MGST1: variants seen among roughly 807,000 people sequenced by gnomAD.
The protein encoded by MGST1 is glutathione S-transferase 12.
In MGST1, 5 loss-of-function variants were observed where a neutral mutation model predicts 8.9. The observed-to-expected ratio is 0.56, with a 90% confidence interval of 0.29 to 1.19. The LOEUF is 1.19. MGST1 is among the 50% of genes most tolerant of loss of function. The probability of loss-of-function intolerance (pLI) is 0.08; values close to 1 mark genes in which losing one functional copy is unlikely to be tolerated. For synonymous variants in MGST1, 54 were observed against 67.8 expected, an observed-to-expected ratio of 0.80 and a Z score of 1.00; for missense variants, 182 against 187.4, an observed-to-expected ratio of 0.97 and a Z score of 0.17.
chr12:16,486,893 T>C (rs202222116), intron 4 of MGST1, among the ~76,000 whole-genome samples: 1 of 48,446 alleles, frequency 2.1e-5, no homozygotes, highest in Non-Finnish European at 8.3e-5. Flanking sequence ...TATACTCCTG[T>C]AATTGCAGGA....
At chr12:16,391,436 G>A (rs1388554364) in intron 1 of MGST1, among the ~76,000 whole-genome samples, 1 of 151,094 alleles carries the variant, frequency 6.6e-6, no homozygotes, top group Admixed American at 6.6e-5. Flanking sequence ...CTGTTCCTGT[G>A]TTAGTTTGCT....
At chr12:16,367,565 C>T (rs897570026), downstream of MGST1, 1 of 152,232 alleles carries the variant, frequency 6.6e-6, no homozygotes, top group Non-Finnish European at 1.5e-5. Context: ...CCCAGAGTCA[C>T]TCCATGTCCC....
At position 16,434,662 on chromosome 12, in the gene MGST1, CT is replaced by C. The variant is rs1433937393; in HGVS notation, n.779-2723del. Among the ~76,000 whole-genome samples, 5 of 151,828 alleles carry C rather than the reference CT, an allele frequency of 3.3e-5. No homozygotes were observed. The East Asian group carries it at 9.7e-4, about 29-fold the overall frequency. The stretch of plus-strand genomic sequence containing the variant: ...GCTCCCCTTCTACCTGCACTTTTTT[CT>C]TTCTTTTCTTTTTTTTATTTTTCAG... On this transcript the variant is annotated intron_variant and non_coding_transcript_variant, in intron 1 of 1. Transcript: ENST00000359720.
At chr12:16,543,214 G>A (rs1355347616) in intron 4 of MGST1, among the ~76,000 whole-genome samples, 1 of 152,116 alleles carries the variant, frequency 6.6e-6, no homozygotes, top group Non-Finnish European at 1.5e-5. Context: ...TGATTACTGA[G>A]TTCATCTTGC....
chr12:16,480,169 G>A (rs1336841052), intron 4 of MGST1, among the ~76,000 whole-genome samples: 1 of 142,736 alleles, frequency 7.0e-6, no homozygotes, highest in Admixed American at 7.1e-5. Flanking sequence ...TTGAGACGGA[G>A]TCTCACCCTA....
At chr12:16,462,554 C>A (rs201398564) in intron 4 of MGST1, among the ~76,000 whole-genome samples, 21,745 of 149,090 alleles carry the variant, frequency 0.15, 1,900 homozygotes, top group East Asian at 0.42. Context: ...CTTTACCCCC[C>A]CAAAAAAAAC....
At chr12:16,551,401 C>T in intron 4 of MGST1, 1 of 909,446 alleles carries the variant, frequency 1.1e-6, no homozygotes, top group Non-Finnish European at 1.8e-6. Flanking sequence ...GATTTATTTT[C>T]CTATTAATAG....
At chr12:16,434,870 A>G (rs1267025548) in intron 1 of MGST1, among the ~76,000 whole-genome samples, 1 of 151,986 alleles carries the variant, frequency 6.6e-6, no homozygotes, top group East Asian at 1.9e-4. Context: ...ATTTGATATT[A>G]GTTTAGTTTA....
At chr12:16,534,346 T>A (rs1941741490) in intron 4 of MGST1, among the ~76,000 whole-genome samples, 1 of 152,228 alleles carries the variant, frequency 6.6e-6, no homozygotes, top group Admixed American at 6.5e-5. Context: ...TTGGCAATAC[T>A]ATCTTTTCTA....
chr12:16,588,058 T>C (rs1943375906), intron 4 of MGST1, among the ~76,000 whole-genome samples: 1 of 152,140 alleles, frequency 6.6e-6, no homozygotes, highest in Non-Finnish European at 1.5e-5. Flanking sequence ...TTCACAAGTA[T>C]CTTTATCAAA....
chr12:16,416,056 C>G (rs941975421), intron 1 of MGST1, among the ~76,000 whole-genome samples: 1 of 152,044 alleles, frequency 6.6e-6, no homozygotes, highest in African/African-American at 2.4e-5. Context: ...AAATAGTTGC[C>G]TTTACTGGAT....
intron 4 of MGST1, among the ~76,000 whole-genome samples, chr12:16,535,872 T>G (rs1941754180): frequency 6.6e-6 from 1 of 152,140 alleles, no homozygotes; most frequent in Non-Finnish European, 1.5e-5. Context: ...GAGAAACGAT[T>G]TTGAGATTAT....
At chr12:16,461,933 A>G (rs1417180746) in intron 4 of MGST1, among the ~76,000 whole-genome samples, 1 of 152,090 alleles carries the variant, frequency 6.6e-6, no homozygotes, top group Non-Finnish European at 1.5e-5. Context: ...GCTATTCCTA[A>G]CAATAAAGTA....
At chr12:16,359,134 T>A (rs1939872992) in intron 3 of MGST1, among the ~76,000 whole-genome samples, 1 of 152,140 alleles carries the variant, frequency 6.6e-6, no homozygotes, top group Non-Finnish European at 1.5e-5. Flanking sequence ...GCGTTTACAC[T>A]GTGGCAGCAC....
In MGST1 at chr12:16,347,935, C is replaced by G. The variant is rs141870733; in HGVS notation, c.-23+225C>G. 1.5e-4 allele frequency: 23 copies of G among 152,290 alleles called. No homozygotes were observed. The East Asian group carries it at 3.1e-3, about 20-fold the overall frequency. The allele number at this position is 152,290 out of a possible 1,614,324, so 9.4% of individuals were successfully genotyped here. A position where few individuals can be genotyped will look rare whatever the true frequency, so the allele number is the denominator to read the frequency against. ...CATTTCTCAAACTCCAGGAATGAAA[C>G]GAGAGAGTCTTTTCATGCTTGAGTG... On this transcript the variant is annotated intron_variant, in intron 1 of 3. Transcript: ENST00000396210. The surrounding 1 kb of genome is among the most constrained non-coding windows in gnomAD (Gnocchi z 4.0).
At chr12:16,348,990 A>C (rs1268885273) in intron 1 of MGST1, 1 of 152,026 alleles carries the variant, frequency 6.6e-6, no homozygotes, top group Non-Finnish European at 1.5e-5. Context: ...CCAGCATTTC[A>C]CCTGCAGCCT....
intron 1 of MGST1, among the ~76,000 whole-genome samples, chr12:16,406,385 A>T (rs756814476): frequency 6.6e-6 from 1 of 152,240 alleles, no homozygotes; most frequent in Non-Finnish European, 1.5e-5. Flanking sequence ...AATGAGAATT[A>T]CAAAACGCTG....
intron 1 of MGST1, among the ~76,000 whole-genome samples, chr12:16,350,347 C>CA (rs1177095301): frequency 2.6e-5 from 4 of 152,210 alleles, no homozygotes; most frequent in African/African-American, 9.7e-5. Context: ...ATATAATGAG[C>CA]AAACAAACCA....
intron 4 of MGST1, among the ~76,000 whole-genome samples, chr12:16,564,928 A>G (rs1485572213): frequency 1.3e-5 from 2 of 152,072 alleles, no homozygotes; most frequent in African/African-American, 4.8e-5. Context: ...TGGGACCACA[A>G]GTGCATATCA....
Sources: allele counts gnomAD v4.1 joint callset (sites outside exome capture counted in the v4.1 genomes callset), GRCh38; gene constraint gnomAD v4.1.1; non-coding constraint Gnocchi (gnomAD v3.1); transcripts MANE v1.5; gene names NCBI Gene and HGNC (gene_info 2026-07-23, HGNC 2026-07-21).